The following ONECUT2 variants were observed in gnomAD, a reference collection of about 807,000 sequenced individuals.
The protein encoded by ONECUT2 is one cut domain family member 2.
A neutral mutation model predicts 27.9 loss-of-function variants in ONECUT2; 10 were observed. The ratio of observed to expected loss-of-function variants is 0.36; its 90% CI spans 0.22 to 0.61. The LOEUF (loss-of-function observed/expected upper bound fraction) is 0.61, where lower values mean the gene tolerates loss of function less well. Among genes scored for constraint, ONECUT2 ranks in the 20% least tolerant of loss-of-function variants. The pLI is 0.73. For missense variants in ONECUT2, 686 were observed against 721.0 expected (o/e 0.95, Z 0.56); for synonymous variants, 334 against 315.1 (o/e 1.06, Z -0.64).
At chr18:57,475,443 A>G (rs1308053430) in intron 1 of ONECUT2, among the ~76,000 whole-genome samples, 1 of 152,008 alleles carries the variant, frequency 6.6e-6, no homozygotes, top group Non-Finnish European at 1.5e-5. Context: ...CTTTTCTGAG[A>G]CACCGAACCT....
intron 1 of ONECUT2, among the ~76,000 whole-genome samples, chr18:57,474,541 T>G (rs748172479): frequency 5.3e-5 from 8 of 152,216 alleles, no homozygotes; most frequent in Non-Finnish European, 1.0e-4. Flanking sequence ...ACTTTCTCAC[T>G]GTGTCCTCCC....
intron 1 of ONECUT2, among the ~76,000 whole-genome samples, chr18:57,470,404 C>T (rs974626698): frequency 3.3e-5 from 5 of 152,172 alleles, no homozygotes; most frequent in African/African-American, 7.2e-5. Flanking sequence ...CCTAAACAAA[C>T]GTGTTTCCTT....
chr18:57,466,182 T>G (rs2050320443), intron 1 of ONECUT2, among the ~76,000 whole-genome samples: 1 of 152,194 alleles, frequency 6.6e-6, no homozygotes, highest in Admixed American at 6.5e-5. Context: ...GTACTCTGGC[T>G]CTTTCAAAAG....
In ONECUT2 at chr18:57,485,334, C is replaced by A. The variant is rs1336446505; in HGVS notation, c.*8611C>A. The A allele has an allele frequency of 6.6e-6, 1 of 152,172 alleles. No individual in the cohort carries two copies. Among genetic ancestry groups the A allele is most frequent in the African/African-American group, 2.4e-5 (1 of 41,442 alleles). The allele number at this position is 152,172 out of a possible 1,614,324, so 9.4% of individuals were successfully genotyped here. A position where few individuals can be genotyped will look rare whatever the true frequency, so the allele number is the denominator to read the frequency against. On this transcript the variant is annotated 3_prime_UTR_variant, in exon 2 of 2. Coordinates refer to ENST00000491143, the MANE Select transcript of ONECUT2 (RefSeq NM_004852.3). ...ATTTATGAGAGAAGTTTAAGCCTTACATCATTTGATACTAAAGGGTTATTT... is the reference window on the plus strand; with the variant it reads ...ATTTATGAGAGAAGTTTAAGCCTTAAATCATTTGATACTAAAGGGTTATTT...
chr18:57,440,692 G>A (rs1338855628), intron 1 of ONECUT2, among the ~76,000 whole-genome samples: 1 of 152,246 alleles, frequency 6.6e-6, no homozygotes, highest in Non-Finnish European at 1.5e-5. Context: ...GGCACCGCGT[G>A]CGTGCTTGTC....
intron 1 of ONECUT2, among the ~76,000 whole-genome samples, chr18:57,457,523 C>A (rs943199182): frequency 5.9e-5 from 9 of 152,316 alleles, no homozygotes; most frequent in Admixed American, 5.9e-4. Flanking sequence ...CTTCCCTAGA[C>A]CCCTCCGGAG....
Position 57,484,975 on chromosome 18 carries a change from A to T in ONECUT2, c.*8252A>T, listed in dbSNP as rs2050431617. On this transcript the variant is annotated 3_prime_UTR_variant, in exon 2 of 2. Transcript: ENST00000491143. ...AGCATTTTCAGTGTCCCATTAGTAC[A>T]TAGTCACATATGGTCGGTTGCTTCG... 2 of 152,076 alleles carry T rather than the reference A, an allele frequency of 1.3e-5. No individual in the cohort carries two copies. Among genetic ancestry groups the T allele is most frequent in the Admixed American group, 6.6e-5 (1 of 15,234 alleles). 9.4% of individuals were successfully genotyped at this position (152,076 alleles called of 1,614,324 possible).
rs2050415262 is a variant in ONECUT2 at position 57,481,378 on chromosome 18, T to A, written c.*4655T>A. The A allele has an allele frequency of 6.6e-6, 1 of 152,194 alleles. No homozygotes were observed. Among genetic ancestry groups the A allele is most frequent in the Non-Finnish European group, 1.5e-5 (1 of 68,030 alleles). The allele number at this position is 152,194 out of a possible 1,614,324, so 9.4% of individuals were successfully genotyped here. On this transcript the variant is annotated 3_prime_UTR_variant, in exon 2 of 2. Coordinates refer to ENST00000491143, the MANE Select transcript of ONECUT2 (RefSeq NM_004852.3). ...CTTGGCAATTGTAGGCTTTAGCAAATCCAGAATAATTTTCAATTCAAGCTA... is the reference window on the plus strand; with the variant it reads ...CTTGGCAATTGTAGGCTTTAGCAAAACCAGAATAATTTTCAATTCAAGCTA...
At chr18:57,460,690 T>A (rs908283215) in intron 1 of ONECUT2, among the ~76,000 whole-genome samples, 1 of 145,858 alleles carries the variant, frequency 6.9e-6, no homozygotes, top group East Asian at 2.0e-4. Context: ...TTCAAATCTT[T>A]TTTTTTTTTT....
At chr18:57,467,030 C>A in intron 1 of ONECUT2, 1 of 376,578 alleles carries the variant, frequency 2.7e-6, no homozygotes. Context: ...GCACTCTGGG[C>A]CTTTTTCAGG....
chr18:57,435,821 G>A lies in ONECUT2; in HGVS notation c.105G>A (p.Pro35=). ...AAAGTCTGGGCACTTTGCACGGGCCGGCCGGCGGCGGCAGTGGCGGGGGCG... is the reference window on the plus strand; with the variant it reads ...AAAGTCTGGGCACTTTGCACGGGCCAGCCGGCGGCGGCAGTGGCGGGGGCG... ...TMESLGTLHG[P]AGGGSGGGGG... The change falls in exon 1 of 2, where the codon CCG becomes CCA. Residue 35 remains proline, a synonymous_variant. Transcript: ENST00000491143. 1 of 1,119,236 alleles carries A rather than the reference G, an allele frequency of 8.9e-7. No homozygotes were observed. Among genetic ancestry groups the A allele is most frequent in the Non-Finnish European group, 1.1e-6 (1 of 899,856 alleles). The allele number at this position is 1,119,236 out of a possible 1,614,324, so 69.3% of individuals were successfully genotyped here.
chr18:57,439,064 C>A (rs1267359259), intron 1 of ONECUT2, among the ~76,000 whole-genome samples: 1 of 152,198 alleles, frequency 6.6e-6, no homozygotes, highest in Non-Finnish European at 1.5e-5. Context: ...GCTGCCGCCC[C>A]CTCATGCCGG....
At chr18:57,468,044 T>C (rs1329154246) in intron 1 of ONECUT2, among the ~76,000 whole-genome samples, 1 of 152,214 alleles carries the variant, frequency 6.6e-6, no homozygotes, top group East Asian at 1.9e-4. Flanking sequence ...TGCAGGATAA[T>C]TTGCCAAATG....
Position 57,458,608 on chromosome 18 carries a change from G to A in ONECUT2, c.1229-17829G>A, listed in dbSNP as rs376663445. ...TGGCATGACTATTTTCATTTATTTAGCCATTTCTGTTTTGATGGGCAATTA... is the reference window on the plus strand; with the variant it reads ...TGGCATGACTATTTTCATTTATTTAACCATTTCTGTTTTGATGGGCAATTA... On this transcript the variant is annotated intron_variant, in intron 1 of 1. Coordinates refer to ENST00000491143, the MANE Select transcript of ONECUT2 (RefSeq NM_004852.3). Among the ~76,000 whole-genome samples the A allele has an allele frequency of 2.6e-5, 4 of 151,928 alleles. No individual in the cohort carries two copies. In the East Asian group the frequency reaches 5.8e-4, roughly 22 times the overall value.
intron 1 of ONECUT2, among the ~76,000 whole-genome samples, chr18:57,466,833 A>G (rs2050323828): frequency 6.6e-6 from 1 of 152,256 alleles, no homozygotes; most frequent in African/African-American, 2.4e-5. Flanking sequence ...CAGCTGACCT[A>G]GACCATCTGC....
In ONECUT2 at chr18:57,482,947, G is replaced by T. The variant is rs2050422526; in HGVS notation, c.*6224G>T. On this transcript the variant is annotated 3_prime_UTR_variant, in exon 2 of 2. Coordinates refer to ENST00000491143, the MANE Select transcript of ONECUT2 (RefSeq NM_004852.3). ...CCAGCATCTTCATCCTGTACACTTG[G>T]AATTAATTTCATTTGGGCATATCCA... The T allele has an allele frequency of 6.6e-6, 1 of 152,526 alleles. No individual in the cohort carries two copies. The highest frequency in any genetic ancestry group is 6.6e-5 in the Admixed American group (1 of 15,266). The allele number at this position is 152,526 out of a possible 1,614,324, so 9.4% of individuals were successfully genotyped here. A position where few individuals can be genotyped will look rare whatever the true frequency, so the allele number is the denominator to read the frequency against.
chr18:57,466,175 C>T (rs1165457342), intron 1 of ONECUT2, among the ~76,000 whole-genome samples: 2 of 152,144 alleles, frequency 1.3e-5, no homozygotes, highest in Admixed American at 6.6e-5. Context: ...GTGGGGAGTA[C>T]TCTGGCTCTT....
chr18:57,442,243 G>T (rs60895420), intron 1 of ONECUT2, among the ~76,000 whole-genome samples: 6,618 of 127,436 alleles, frequency 0.052, 437 homozygotes, highest in East Asian at 0.32. Context: ...AATTCTTCTG[G>T]GTTTTTTTTT....
chr18:57,475,299 A>T (rs603816), intron 1 of ONECUT2, among the ~76,000 whole-genome samples: 40 of 152,132 alleles, frequency 2.6e-4, no homozygotes, highest in Non-Finnish European at 5.0e-4. Context: ...CTCATGATAC[A>T]CCTGCCTTGG....
Sources: gnomAD v4.1 joint callset for allele counts (sites outside exome capture counted in the v4.1 genomes callset) on GRCh38, gnomAD v4.1.1 for gene constraint, MANE v1.5 for transcripts, NCBI Gene and HGNC (gene_info 2026-07-23, HGNC 2026-07-21) for gene names.